The following ZKSCAN1 variants were observed in gnomAD, a reference collection of about 807,000 sequenced individuals.
ZKSCAN1 encodes the protein zinc finger protein with KRAB and SCAN domains 1.
Under a neutral mutation model 51.6 loss-of-function variants are expected in ZKSCAN1, and 14 were observed. That is an observed-to-expected ratio of 0.27 (90% CI 0.18 to 0.42). ZKSCAN1 has a LOEUF of 0.42. ZKSCAN1 is among the 10% of genes least tolerant of loss of function. ZKSCAN1 has a pLI of 1.00. For missense variants in ZKSCAN1, 531 were observed against 710.0 expected (o/e 0.75, Z 2.86); for synonymous variants, 263 against 261.5 (o/e 1.01, Z -0.06).
Position 100,036,418 on chromosome 7 carries a change from C to T in ZKSCAN1, c.*2221C>T, listed in dbSNP as rs1791362583. On this transcript the variant is annotated 3_prime_UTR_variant, in exon 6 of 6. Coordinates refer to ENST00000324306, the MANE Select transcript of ZKSCAN1 (RefSeq NM_003439.4). ...GTGCTTTTGAGCAAGGACTTTTGCC[C>T]TCTAGAAAGCAACTGAGGCCAGGTG... 5.1e-6 allele frequency: 5 copies of T among 985,250 alleles called. No homozygotes were observed. In the South Asian group the frequency reaches 1.4e-4, roughly 28 times the overall value. 61.0% of individuals were successfully genotyped at this position (985,250 alleles called of 1,614,324 possible).
downstream of ZKSCAN1, chr7:100,041,763 G>GA (rs1047531022): frequency 4.7e-5 from 46 of 982,054 alleles, no homozygotes; most frequent in Non-Finnish European, 5.2e-5. Flanking sequence ...TGGGGGTGAA[G>GA]AAAAAAAAGT....
intron 3 of ZKSCAN1, 76 bp downstream of exon 3, chr7:100,024,383 TGAA>T (rs1801682279): frequency 5.2e-6 from 8 of 1,537,736 alleles, no homozygotes; most frequent in Non-Finnish European, 6.1e-6. Flanking sequence ...GTGCCTGTGA[TGAA>T]GAAGCATGTT....
At chr7:100,028,222 AG>A (rs1249259373) in intron 3 of ZKSCAN1, among the ~76,000 whole-genome samples, 3 of 151,952 alleles carry the variant, frequency 2.0e-5, no homozygotes, top group Non-Finnish European at 4.4e-5. Flanking sequence ...GCGTGGTGGC[AG>A]GCACCTGTAG....
intron 3 of ZKSCAN1, among the ~76,000 whole-genome samples, chr7:100,029,526 A>G (rs946878953): frequency 6.6e-6 from 1 of 152,204 alleles, no homozygotes; most frequent in Non-Finnish European, 1.5e-5. Context: ...TTTATAGCTG[A>G]GAATAGGAAC....
chr7:100,029,164 C>A (rs1790982944), intron 3 of ZKSCAN1, among the ~76,000 whole-genome samples: 5 of 120,276 alleles, frequency 4.2e-5, no homozygotes, highest in Admixed American at 8.4e-5. Context: ...AACTCTGTCT[C>A]AAAAAAAAAA....
rs1791562665 is a variant in ZKSCAN1 at position 100,040,802 on chromosome 7, GTTGC to G, written c.*6608_*6611del. On this transcript the variant is annotated 3_prime_UTR_variant, in exon 6 of 6. Transcript: ENST00000324306. ...CACCTCAACCAGAGAAGAGCATCCG[GTTGC>G]TTTTTAAAGCTTTTAGCCTGCCCTA... The G allele has an allele frequency of 2.0e-6, 2 of 985,296 alleles. No homozygotes were observed. Among genetic ancestry groups the G allele is most frequent in the Non-Finnish European group, 2.4e-6 (2 of 829,960 alleles). 61.0% of individuals were successfully genotyped at this position (985,296 alleles called of 1,614,324 possible). A position where few individuals can be genotyped will look rare whatever the true frequency, so the allele number is the denominator to read the frequency against.
chr7:100,025,414 T>A (rs1790787484), intron 3 of ZKSCAN1, among the ~76,000 whole-genome samples: 1 of 150,926 alleles, frequency 6.6e-6, no homozygotes, highest in Admixed American at 6.6e-5. Context: ...TTGAGGGGAG[T>A]TGAGGAACAC....
Position 100,018,399 on chromosome 7 carries a change from A to C in ZKSCAN1, c.-89+2673A>C, listed in dbSNP as rs942470328. ...GAAAAATTACAGAGAAAGAAACATC[A>C]TGAGAAATTTTTTTTTTTTTTTTGA... On this transcript the variant is annotated intron_variant, in intron 1 of 5. Transcript: ENST00000324306. Among the ~76,000 whole-genome samples, 2 of 151,744 alleles carry C rather than the reference A, an allele frequency of 1.3e-5. 1 individual carries two copies. The highest frequency in any genetic ancestry group is 4.2e-4 in the South Asian group (2 of 4,808).
chr7:100,033,407 T>C lies in ZKSCAN1; in HGVS notation c.902T>C (p.Phe301Ser), dbSNP rs200719086. 6.2e-7 allele frequency: 1 copy of C among 1,613,530 alleles called. No homozygotes were observed. The highest frequency in any genetic ancestry group is 2.2e-5 in the East Asian group (1 of 44,844). ...GETTGRSQKE[F>S]GEKRDQEGKT... is the part of the protein sequence containing the mutation. Reference sequence around the variant, plus strand: ...ACAACAGGAAGATCCCAGAAAGAGTTTGGAGAGAAACGTGACCAGGAGGGC... The same window carrying C: ...ACAACAGGAAGATCCCAGAAAGAGTCTGGAGAGAAACGTGACCAGGAGGGC... The change falls in exon 6 of 6, where the codon TTT becomes TCT. Residue 301 changes from phenylalanine (F) to serine (S), a missense_variant. By Grantham distance (155) the Phe-to-Ser change is radical (BLOSUM62 -2). Transcript: ENST00000324306. This position sits in a 1 kb window ranked among gnomAD's most constrained non-coding sequence, Gnocchi z 4.1.
chr7:100,044,739 C>A, downstream of ZKSCAN1: 35 of 756,520 alleles, frequency 4.6e-5, no homozygotes, highest in South Asian at 5.9e-5. Flanking sequence ...TGAAGTTTAA[C>A]TCCACCATTC....
At chr7:100,042,329 A>AC (rs1365081970), downstream of ZKSCAN1, among the ~76,000 whole-genome samples, 1 of 147,572 alleles carries the variant, frequency 6.8e-6, no homozygotes, top group East Asian at 2.0e-4. Context: ...AAAAAAAAAA[A>AC]AAAAAAAAAG....
At chr7:100,026,250 A>G (rs1790831670) in intron 3 of ZKSCAN1, among the ~76,000 whole-genome samples, 1 of 151,152 alleles carries the variant, frequency 6.6e-6, no homozygotes, top group African/African-American at 2.4e-5. Flanking sequence ...AAAAAAAAAA[A>G]AAAAAGTACA....
intron 1 of ZKSCAN1, 132 bp from the exon 2 acceptor site, chr7:100,023,287 A>T: frequency 2.1e-6 from 1 of 466,854 alleles, no homozygotes; most frequent in East Asian, 3.8e-5. Flanking sequence ...CTGAGATTAC[A>T]GGCGTGAGCC....
chr7:100,018,341 T>C (rs1042733051), intron 1 of ZKSCAN1, among the ~76,000 whole-genome samples: 1 of 152,136 alleles, frequency 6.6e-6, no homozygotes, highest in Admixed American at 6.5e-5. Context: ...CAAAGAGGAC[T>C]GCTCTTAATA....
chr7:100,025,550 A>G lies in ZKSCAN1; in HGVS notation c.580+1243A>G, dbSNP rs1790795088. Among the ~76,000 whole-genome samples, 3 of 152,250 alleles carry G rather than the reference A, an allele frequency of 2.0e-5. No homozygotes were observed. The South Asian group carries it at 6.2e-4, about 31-fold the overall frequency. On this transcript the variant is annotated intron_variant, in intron 3 of 5. Coordinates refer to ENST00000324306, the MANE Select transcript of ZKSCAN1 (RefSeq NM_003439.4). Reference sequence around the variant, plus strand: ...AAGTATGTGCTTAGAATGTAAAGACAAGGAATGCTAAAAGTACATTTATCA... The same window carrying G: ...AAGTATGTGCTTAGAATGTAAAGACGAGGAATGCTAAAAGTACATTTATCA...
intron 3 of ZKSCAN1, among the ~76,000 whole-genome samples, chr7:100,029,509 A>G (rs1791008465): frequency 6.6e-6 from 1 of 152,146 alleles, no homozygotes; most frequent in Non-Finnish European, 1.5e-5. Context: ...GGCTGAAGGT[A>G]CCCACTTTTA....
chr7:100,041,534 G>A lies in ZKSCAN1; in HGVS notation c.*7337G>A. 1.0e-6 allele frequency: 1 copy of A among 978,556 alleles called. No homozygotes were observed. The highest frequency in any genetic ancestry group is 1.2e-6 in the Non-Finnish European group (1 of 829,874). 60.6% of individuals were successfully genotyped at this position (978,556 alleles called of 1,614,324 possible). On this transcript the variant is annotated 3_prime_UTR_variant, in exon 6 of 6. Transcript: ENST00000324306. ...ATAATGAAATGTGTACACATACATA[G>A]TCAGTGGTCCATTTTAGGAAGCCAG...
At chr7:100,023,390 G>A (rs1434386960) in intron 1 of ZKSCAN1, 29 bp from the exon 2 acceptor site, 8 of 1,180,360 alleles carry the variant, frequency 6.8e-6, no homozygotes, top group East Asian at 2.3e-5. Context: ...GTAAAGGTAC[G>A]TACTAATGAC....
chr7:100,036,030 T>C lies in ZKSCAN1; in HGVS notation c.*1833T>C, dbSNP rs1349710299. On this transcript the variant is annotated 3_prime_UTR_variant, in exon 6 of 6. Coordinates refer to ENST00000324306, the MANE Select transcript of ZKSCAN1 (RefSeq NM_003439.4). Reference sequence around the variant, plus strand: ...TTGAGACTTTCCCTTGAGAAACTTATACTAAAACTATTACTCATCAGTCAT... The same window carrying C: ...TTGAGACTTTCCCTTGAGAAACTTACACTAAAACTATTACTCATCAGTCAT... 6.1e-6 allele frequency: 6 copies of C among 985,344 alleles called. No individual in the cohort carries two copies. Among genetic ancestry groups the C allele is most frequent in the Admixed American group, 6.1e-5 (1 of 16,268 alleles). The allele number at this position is 985,344 out of a possible 1,614,324, so 61.0% of individuals were successfully genotyped here.
Sources: allele counts gnomAD v4.1 joint callset (sites outside exome capture counted in the v4.1 genomes callset), GRCh38; gene constraint gnomAD v4.1.1; non-coding constraint Gnocchi (gnomAD v3.1); transcripts MANE v1.5; gene names NCBI Gene and HGNC (gene_info 2026-07-23, HGNC 2026-07-21).